Variants in ARAP2 observed in about 807,000 individuals in gnomAD.
ARAP2 encodes ArfGAP with RhoGAP domain, ankyrin repeat and PH domain 2, also known as arf-GAP with Rho-GAP domain, ANK repeat and PH domain-containing protein 2.
ARAP2 carries 148 observed loss-of-function variants against 194.5 expected under a neutral mutation model. That is an observed-to-expected ratio of 0.76 (90% CI 0.67 to 0.87). The LOEUF (loss-of-function observed/expected upper bound fraction) is 0.87. Ranked by LOEUF, ARAP2 falls within the 40% of genes least tolerant of loss-of-function variation. ARAP2 has a pLI of 0.00. For synonymous variants in ARAP2, 695 were observed against 683.5 expected, an observed-to-expected ratio of 1.02 and a Z score of -0.26; for missense variants, 2,128 against 1,989.7, an observed-to-expected ratio of 1.07 and a Z score of -1.32.
At chr4:36,203,101 C>T (rs1744756745) in intron 6 of ARAP2, among the ~76,000 whole-genome samples, 1 of 152,172 alleles carries the variant, frequency 6.6e-6, no homozygotes, top group South Asian at 2.1e-4. Flanking sequence ...CCCTACTTCT[C>T]ACTGTTGGAA....
intron 19 of ARAP2, among the ~76,000 whole-genome samples, chr4:36,141,560 C>G (rs958420989): frequency 8.6e-5 from 13 of 151,588 alleles, no homozygotes; most frequent in Admixed American, 7.3e-4. Flanking sequence ...TGACTATATA[C>G]AGGGGATAAT....
chr4:36,148,341 C>T lies in ARAP2; in HGVS notation c.3000+64G>A, dbSNP rs1031523459. ...AAAACTTTCATGGACCCCTGAAGCT[C>T]AAACACAGACTCCCAGTTCACAATC... On this transcript the variant is annotated intron_variant, in intron 17 of 32. Transcript: ENST00000303965. The T allele has an allele frequency of 3.9e-6, 5 of 1,273,526 alleles. No individual in the cohort carries two copies. The African/African-American group carries it at 6.0e-5, about 15-fold the overall frequency. 78.9% of individuals were successfully genotyped at this position (1,273,526 alleles called of 1,614,324 possible). A position where few individuals can be genotyped will look rare whatever the true frequency, so the allele number is the denominator to read the frequency against.
intron 27 of ARAP2, among the ~76,000 whole-genome samples, chr4:36,102,216 G>C (rs1005834547): frequency 6.6e-6 from 1 of 151,934 alleles, no homozygotes; most frequent in Non-Finnish European, 1.5e-5. Flanking sequence ...TTAAAGCTCA[G>C]CACGTCCAAA....
intron 6 of ARAP2, among the ~76,000 whole-genome samples, chr4:36,200,260 T>C (rs2109223854): frequency 6.6e-6 from 1 of 151,434 alleles, no homozygotes; most frequent in South Asian, 2.1e-4. Flanking sequence ...TTTATTTATT[T>C]ATTTTTTTTT....
chr4:36,211,698 G>A (rs894595664), intron 5 of ARAP2, among the ~76,000 whole-genome samples: 4 of 152,060 alleles, frequency 2.6e-5, no homozygotes, highest in Admixed American at 6.6e-5. Flanking sequence ...CCACTAAAAA[G>A]TATAATTAAA....
chr4:36,149,735 TAAAACA>T (rs1730497192), intron 16 of ARAP2, among the ~76,000 whole-genome samples: 1 of 152,254 alleles, frequency 6.6e-6, no homozygotes, highest in African/African-American at 2.4e-5. Flanking sequence ...AAAGCACTAT[TAAAACA>T]AAAACAAGTC....
chr4:36,032,327 G>T (rs1379977048), intron 5 of ARAP2, among the ~76,000 whole-genome samples: 1 of 152,174 alleles, frequency 6.6e-6, no homozygotes, highest in Admixed American at 6.6e-5. Flanking sequence ...TCAAGGAAAG[G>T]GCTCAGAGGA....
intron 19 of ARAP2, among the ~76,000 whole-genome samples, chr4:36,134,515 G>A (rs1254825434): frequency 6.6e-6 from 1 of 151,444 alleles, no homozygotes; most frequent in Non-Finnish European, 1.5e-5. Flanking sequence ...CCTCCTTACA[G>A]AATTCCTTTC....
intron 19 of ARAP2, among the ~76,000 whole-genome samples, chr4:36,146,938 T>C (rs1729762347): frequency 6.6e-6 from 1 of 152,050 alleles, no homozygotes; most frequent in Admixed American, 6.6e-5. Context: ...CCCACATGCA[T>C]AGATAATTCA....
At chr4:36,192,822 C>T (rs1272075256) in intron 7 of ARAP2, among the ~76,000 whole-genome samples, 2 of 152,122 alleles carry the variant, frequency 1.3e-5, no homozygotes, top group South Asian at 2.1e-4. Context: ...CATGGTGAAA[C>T]CTTGTCTCTA....
downstream of ARAP2, among the ~76,000 whole-genome samples, chr4:36,063,010 A>G (rs1387418076): frequency 6.6e-6 from 1 of 152,140 alleles, no homozygotes; most frequent in Non-Finnish European, 1.5e-5. Context: ...TTCTGCCTTA[A>G]CTAATTGGTA....
chr4:36,133,915 G>A (rs1297232173), intron 19 of ARAP2, among the ~76,000 whole-genome samples: 1 of 151,662 alleles, frequency 6.6e-6, no homozygotes, highest in Admixed American at 6.6e-5. Context: ...ATGCCATTCA[G>A]GCCAGTAGTT....
At chr4:36,199,249 G>A (rs1743850233) in intron 6 of ARAP2, among the ~76,000 whole-genome samples, 1 of 152,196 alleles carries the variant, frequency 6.6e-6, no homozygotes, top group Admixed American at 6.5e-5. Context: ...AGCTTGAAAA[G>A]TTTACCATTA....
chr4:36,165,955 A>AT (rs1450854357), intron 10 of ARAP2, among the ~76,000 whole-genome samples: 2 of 152,166 alleles, frequency 1.3e-5, no homozygotes, highest in African/African-American at 4.8e-5. Context: ...TACATGAATT[A>AT]TACTTTTTGA....
intron 21 of ARAP2, among the ~76,000 whole-genome samples, chr4:36,126,511 C>A (rs1488533090): frequency 1.3e-5 from 2 of 151,998 alleles, no homozygotes; most frequent in African/African-American, 4.8e-5. Flanking sequence ...TGGTACACGG[C>A]TATAAGGCAT....
At chr4:36,198,690 G>A (rs76983383) in intron 6 of ARAP2, among the ~76,000 whole-genome samples, 4,054 of 152,306 alleles carry the variant, frequency 0.027, 72 homozygotes, top group Non-Finnish European at 0.04. Flanking sequence ...TACCTGGCCC[G>A]GGCCCCAATC....
intron 27 of ARAP2, among the ~76,000 whole-genome samples, chr4:36,097,993 T>C (rs529169494): frequency 4.1e-4 from 63 of 152,150 alleles, no homozygotes; most frequent in African/African-American, 1.5e-3. Flanking sequence ...AATGGCCAAA[T>C]TTATTTAAGC....
chr4:36,086,835 G>C (rs1170268289), intron 28 of ARAP2, among the ~76,000 whole-genome samples: 1 of 151,988 alleles, frequency 6.6e-6, no homozygotes, highest in Non-Finnish European at 1.5e-5. Flanking sequence ...CAGTATAATG[G>C]TAATATTCTC....
chr4:36,065,444 A>C (rs1725240744), downstream of ARAP2: 1 of 437,022 alleles, frequency 2.3e-6, no homozygotes, highest in Non-Finnish European at 4.6e-6. Flanking sequence ...CTCTTTGCCC[A>C]GTGTATTCAC....
Sources: allele counts gnomAD v4.1 joint callset (sites outside exome capture counted in the v4.1 genomes callset), GRCh38; gene constraint gnomAD v4.1.1; transcripts MANE v1.5; gene names NCBI Gene and HGNC (gene_info 2026-07-23, HGNC 2026-07-21).